The following SBF1 variants were observed in gnomAD, a reference collection of about 807,000 sequenced individuals.
SBF1 encodes SET binding factor 1, also known as myotubularin-related protein 5.
SBF1 carries 65 observed loss-of-function variants against 215.8 expected under a neutral mutation model. That is an observed-to-expected ratio of 0.30 (90% CI 0.25 to 0.37). The LOEUF (loss-of-function observed/expected upper bound fraction) is 0.37. Ranked by LOEUF, SBF1 falls within the 10% of genes least tolerant of loss-of-function variation. The pLI, the probability that SBF1 is intolerant of heterozygous loss-of-function variation, is 1.00. For missense variants in SBF1, 2,634 were observed against 2,667.8 expected, an observed-to-expected ratio of 0.99 and a Z score of 0.28; for synonymous variants, 1,410 against 1,122.8, an observed-to-expected ratio of 1.26 and a Z score of -5.11.
In SBF1 at chr22:50,461,933, C is replaced by T. The variant is rs1218094885; in HGVS notation, c.2569+14G>A. On this transcript the variant is annotated intron_variant, in intron 20 of 40. Coordinates refer to ENST00000380817, the MANE Select transcript of SBF1 (RefSeq NM_002972.4). ...ACCCATCCAAGGGGGAATCACCAGC[C>T]CAAACCCCCGTACCTGGCACCATGA... is the stretch of plus-strand genomic sequence containing the variant. 1.2e-6 allele frequency: 2 copies of T among 1,614,018 alleles called. No homozygotes were observed. The highest frequency in any genetic ancestry group is 8.5e-7 in the Non-Finnish European group (1 of 1,179,884).
chr22:50,447,492 GT>G, intron 39 of SBF1, 29 bp downstream of exon 39: 2 of 1,372,204 alleles, frequency 1.5e-6, no homozygotes, highest in Middle Eastern at 1.8e-4. Flanking sequence ...CCCCTCCCCC[GT>G]GAGTCCCCCC....
Position 50,467,458 on chromosome 22 carries a change from C to T in SBF1, c.439-10G>A, listed in dbSNP as rs1297185229. 1.9e-6 allele frequency: 3 copies of T among 1,614,110 alleles called. No individual in the cohort carries two copies. Among genetic ancestry groups the T allele is most frequent in the East Asian group, 4.5e-5 (2 of 44,894 alleles). Reference sequence around the variant, plus strand: ...TGAGGCCAAGGCTGTTCTGCAATGACCAGAGCGGGGAGTGGTGGGACAGCC... The same window carrying T: ...TGAGGCCAAGGCTGTTCTGCAATGATCAGAGCGGGGAGTGGTGGGACAGCC... On this transcript the variant is annotated splice_polypyrimidine_tract_variant and intron_variant, in intron 4 of 40. Transcript: ENST00000380817.
intron 36 of SBF1, among the ~76,000 whole-genome samples, chr22:50,453,327 G>A (rs1341430286): frequency 1.3e-5 from 2 of 152,206 alleles, no homozygotes; most frequent in Admixed American, 1.3e-4. Context: ...TGCTGTCTGT[G>A]CTTTGTGGGT....
chr22:50,454,619 C>T lies in SBF1; in HGVS notation c.4936G>A (p.Glu1646Lys), dbSNP rs761276667. ...LAQGPPEPPEEERSDGGAPQS... is the reference protein window; with the variant it reads ...LAQGPPEPPEKERSDGGAPQS... The stretch of plus-strand genomic sequence containing the variant: ...GGAGCGCCTCCATCAGACCGTTCTT[C>T]CTCTGGGGGTTCAGGGGGCCCCTGG... Residue 1646 changes from glutamate (E) to lysine (K), a missense_variant, in exon 36 of 41, where the codon GAA becomes AAA. Physicochemically the swap from Glu to Lys is moderately conservative, Grantham distance 56 (BLOSUM62 1). Coordinates refer to ENST00000380817, the MANE Select transcript of SBF1 (RefSeq NM_002972.4). 3.7e-6 allele frequency: 6 copies of T among 1,605,668 alleles called. No individual in the cohort carries two copies. Among genetic ancestry groups the T allele is most frequent in the African/African-American group, 2.7e-5 (2 of 74,850 alleles).
chr22:50,474,002 C>A (rs574841127), intron 1 of SBF1, among the ~76,000 whole-genome samples: 1 of 152,224 alleles, frequency 6.6e-6, no homozygotes, highest in Non-Finnish European at 1.5e-5. Context: ...CTCGCCAACG[C>A]TGCTGTCTCC....
chr22:50,448,482 C>G (rs1379641488), intron 37 of SBF1, 38 bp from the exon 38 acceptor site: 1 of 1,609,326 alleles, frequency 6.2e-7, no homozygotes, highest in Non-Finnish European at 8.5e-7. Context: ...CAGGGCTGGA[C>G]AGACTCCACT....
chr22:50,459,683 G>A lies in SBF1; in HGVS notation c.3492-17C>T. 1 of 1,587,044 alleles carries A rather than the reference G, an allele frequency of 6.3e-7. No homozygotes were observed. The highest frequency in any genetic ancestry group is 1.4e-5 in the African/African-American group (1 of 73,798). On this transcript the variant is annotated splice_polypyrimidine_tract_variant and intron_variant, in intron 26 of 40. Coordinates refer to ENST00000380817, the MANE Select transcript of SBF1 (RefSeq NM_002972.4). ...CCTGGGTAGCTGAGAGGAGGCAGAG[G>A]CGTGAAGGTGGCTGGCGACCCCACC...
At chr22:50,457,841 A>G (rs903119912) in intron 28 of SBF1, among the ~76,000 whole-genome samples, 8 of 152,216 alleles carry the variant, frequency 5.3e-5, no homozygotes, top group Non-Finnish European at 1.2e-4. Context: ...TGAGAGAGGC[A>G]ATGTCCCCTC....
chr22:50,451,857 C>T (rs1323057811), intron 36 of SBF1, among the ~76,000 whole-genome samples: 2 of 149,006 alleles, frequency 1.3e-5, no homozygotes, highest in South Asian at 2.1e-4. Context: ...AGTGCAGTGG[C>T]GCGATCTCAG....
chr22:50,469,268 G>A (rs1556438162), intron 1 of SBF1, among the ~76,000 whole-genome samples: 1 of 152,246 alleles, frequency 6.6e-6, no homozygotes, highest in Non-Finnish European at 1.5e-5. Flanking sequence ...AAAGGCCATA[G>A]GATGGGTGCT....
rs775068573 is a variant in SBF1 at position 50,456,421 on chromosome 22, T to C, written c.4087-26A>G. ...CTGAAAAGAATCCGGACAAGTCCCGTGAGACACATGAGGCCCCAAGCCCCC... is the reference window on the plus strand; with the variant it reads ...CTGAAAAGAATCCGGACAAGTCCCGCGAGACACATGAGGCCCCAAGCCCCC... On this transcript the variant is annotated intron_variant, in intron 30 of 40. Transcript: ENST00000380817. 34 of 1,606,576 alleles carry C rather than the reference T, an allele frequency of 2.1e-5. 1 individual carries two copies. In the Admixed American group the frequency reaches 5.3e-4, roughly 25 times the overall value.
chr22:50,469,015 G>A (rs1038000307), intron 1 of SBF1, among the ~76,000 whole-genome samples: 1 of 152,208 alleles, frequency 6.6e-6, no homozygotes, highest in African/African-American at 2.4e-5. Context: ...TTCAGAGACA[G>A]ACAAGTCCCC....
rs1179152696 is a variant in SBF1, at chr22:50,474,962, C to A, written c.-122G>T. The A allele has an allele frequency of 2.0e-6, 1 of 512,184 alleles. No homozygotes were observed. Among genetic ancestry groups the A allele is most frequent in the Non-Finnish European group, 2.5e-6 (1 of 403,946 alleles). 31.7% of individuals were successfully genotyped at this position (512,184 alleles called of 1,614,324 possible). ...GCGCACCCCGGACACCCCTGGTTCG[C>A]TCCGCGGCGGCGGCGGCGGCGGCGG... On this transcript the variant is annotated 5_prime_UTR_variant, in exon 1 of 41. Coordinates refer to ENST00000380817, the MANE Select transcript of SBF1 (RefSeq NM_002972.4).
In SBF1 at chr22:50,461,213, G is replaced by T. The variant is rs769846010; in HGVS notation, c.2913C>A (p.Thr971=). Residue 971 remains threonine, a synonymous_variant, in exon 23 of 41, where the codon ACC becomes ACA. Transcript: ENST00000380817. ...LTKEKRISVQ[T]PVDQLLQDGL... Reference sequence around the variant, plus strand: ...CGTCCTGCAGGAGCTGGTCCACAGGGGTCTGGACGCTGATGCGCTTCTCCT... The same window carrying T: ...CGTCCTGCAGGAGCTGGTCCACAGGTGTCTGGACGCTGATGCGCTTCTCCT... 1 of 1,612,766 alleles carries T rather than the reference G, an allele frequency of 6.2e-7. No homozygotes were observed. Among genetic ancestry groups the T allele is most frequent in the Non-Finnish European group, 8.5e-7 (1 of 1,179,562 alleles).
chr22:50,454,251 T>A (rs2067157607), intron 36 of SBF1, among the ~76,000 whole-genome samples: 2 of 152,114 alleles, frequency 1.3e-5, no homozygotes, highest in Non-Finnish European at 2.9e-5. Flanking sequence ...GGAGGCTGTG[T>A]ACTGAGACCT....
chr22:50,460,613 T>C lies in SBF1; in HGVS notation c.3067A>G (p.Thr1023Ala), dbSNP rs1365592422. 6.2e-7 allele frequency: 1 copy of C among 1,613,918 alleles called. No homozygotes were observed. Among genetic ancestry groups the C allele is most frequent in the African/African-American group, 1.3e-5 (1 of 74,916 alleles). Residue 1023 changes from threonine to alanine, a missense_variant, in exon 24 of 41, where the codon ACC (threonine) becomes GCC (alanine). By Grantham distance (58) the Thr-to-Ala change is moderately conservative. Coordinates refer to ENST00000380817, the MANE Select transcript of SBF1 (RefSeq NM_002972.4). ...KLRYPPDIRATFAFTLGSAHT... is the reference protein window; with the variant it reads ...KLRYPPDIRAAFAFTLGSAHT... ...GCAGAGCCCAAGGTGAACGCAAAGGTGGCCCTGATGTCCGGCGGGTACCGC... is the reference window on the plus strand; with the variant it reads ...GCAGAGCCCAAGGTGAACGCAAAGGCGGCCCTGATGTCCGGCGGGTACCGC...
chr22:50,463,444 GAA>G lies in SBF1; in HGVS notation c.1750-14_1750-13del. 1.3e-6 allele frequency: 2 copies of G among 1,558,068 alleles called. No individual in the cohort carries two copies. The highest frequency in any genetic ancestry group is 1.7e-6 in the Non-Finnish European group (2 of 1,149,042). The stretch of plus-strand genomic sequence containing the variant: ...ACGGCTGGGAGCAGCTGGGGGTGGG[GAA>G]AGGAGACACGGGCTGAGGGCACAGA... On this transcript the variant is annotated splice_polypyrimidine_tract_variant and intron_variant, in intron 15 of 40. Transcript: ENST00000380817.
intron 1 of SBF1, among the ~76,000 whole-genome samples, chr22:50,468,832 C>A (rs1017127469): frequency 2.0e-5 from 3 of 152,088 alleles, no homozygotes; most frequent in African/African-American, 7.2e-5. Context: ...GCTCTCGGCC[C>A]CCCAACAGTG....
chr22:50,463,744 G>C (rs2067621695), intron 15 of SBF1, among the ~76,000 whole-genome samples: 1 of 152,264 alleles, frequency 6.6e-6, no homozygotes, highest in South Asian at 2.1e-4. Context: ...GGCTGGCTCA[G>C]TGACTCGCCT....
Sources: gnomAD v4.1 joint callset for allele counts (sites outside exome capture counted in the v4.1 genomes callset) on GRCh38, gnomAD v4.1.1 for gene constraint, MANE v1.5 for transcripts, NCBI Gene and HGNC (gene_info 2026-07-23, HGNC 2026-07-21) for gene names.